Variants in CAST observed in about 807,000 individuals in gnomAD.
CAST encodes MIR583 host.
In CAST, 76 loss-of-function variants were observed where a neutral mutation model predicts 119.6. The observed-to-expected ratio is 0.64, with a 90% confidence interval of 0.53 to 0.77. CAST has a LOEUF of 0.77. Ranked by LOEUF, CAST falls within the 30% of genes least tolerant of loss-of-function variation. The pLI is 0.00. For synonymous variants in CAST, 319 were observed against 331.6 expected (o/e 0.96, Z 0.41); for missense variants, 953 against 946.5 (o/e 1.01, Z -0.09).
chr5:96,349,454 A>T, the CAST span, among the ~76,000 whole-genome samples: 1 of 152,152 alleles, frequency 6.6e-6, no homozygotes, highest in South Asian at 2.1e-4. Flanking sequence ...GTAACTGTTC[A>T]TCAAGGATCA....
chr5:96,447,173 C>G, the CAST span, among the ~76,000 whole-genome samples: 1 of 152,174 alleles, frequency 6.6e-6, no homozygotes, highest in African/African-American at 2.4e-5. Context: ...GCAAAATGAG[C>G]CCAGGCGTAA....
the CAST span, among the ~76,000 whole-genome samples, chr5:96,217,056 A>G: frequency 6.6e-6 from 1 of 151,944 alleles, no homozygotes; most frequent in Admixed American, 6.6e-5. Flanking sequence ...TTAGTTTTTT[A>G]GAGACAAGGT....
chr5:96,398,900 C>T, the CAST span: 1 of 1,613,558 alleles, frequency 6.2e-7, no homozygotes, highest in Non-Finnish European at 8.5e-7. Context: ...GTAAGTGTGA[C>T]ATGAAGGTCT....
chr5:96,375,489 G>C, the CAST span, among the ~76,000 whole-genome samples: 1 of 151,122 alleles, frequency 6.6e-6, no homozygotes, highest in South Asian at 2.1e-4. Context: ...ACACAATGTA[G>C]CTTCATTAAA....
At chr5:96,086,720 T>C in the CAST span, among the ~76,000 whole-genome samples, 8 of 152,222 alleles carry the variant, frequency 5.3e-5, no homozygotes, top group African/African-American at 1.9e-4. Flanking sequence ...TCTATCTGTC[T>C]GTGTAAACCT....
intron 1 of CAST, among the ~76,000 whole-genome samples, chr5:96,597,419 A>C (rs1747072383): frequency 6.6e-6 from 1 of 152,238 alleles, no homozygotes; most frequent in Non-Finnish European, 1.5e-5. Context: ...TGCTGTCTGG[A>C]CGTAATTATA....
At chr5:96,695,648 C>T in intron 2 of CAST, 188 bp from the exon 3 acceptor site, 1 of 456,298 alleles carries the variant, frequency 2.2e-6, no homozygotes, top group Non-Finnish European at 4.1e-6. Flanking sequence ...ACTTACTCTT[C>T]ATTTCAATAT....
chr5:96,208,185 A>T, the CAST span, among the ~76,000 whole-genome samples: 1 of 140,214 alleles, frequency 7.1e-6, no homozygotes, highest in Middle Eastern at 3.9e-3. Flanking sequence ...GTCATTTCTG[A>T]TTGTGTTTAT....
the CAST span, among the ~76,000 whole-genome samples, chr5:96,355,656 G>A: frequency 2.7e-4 from 41 of 152,210 alleles, no homozygotes; most frequent in African/African-American, 9.1e-4. Flanking sequence ...CAGTGTAAAA[G>A]CATTGCTATT....
chr5:96,709,052 G>T (rs1755580256), intron 3 of CAST, among the ~76,000 whole-genome samples: 1 of 152,210 alleles, frequency 6.6e-6, no homozygotes, highest in South Asian at 2.1e-4. Context: ...TGGTCATTCA[G>T]ATTTCAACAG....
the CAST span, among the ~76,000 whole-genome samples, chr5:96,465,136 T>A: frequency 6.6e-6 from 1 of 152,024 alleles, no homozygotes; most frequent in Non-Finnish European, 1.5e-5. Context: ...TTTGGCAGAT[T>A]TTTTTTCTAA....
At chr5:96,645,285 T>C (rs1409552622) in intron 1 of CAST, among the ~76,000 whole-genome samples, 4 of 152,186 alleles carry the variant, frequency 2.6e-5, no homozygotes, top group African/African-American at 9.7e-5. Flanking sequence ...TAAAGCGGCC[T>C]TCTTGTCACA....
the CAST span, among the ~76,000 whole-genome samples, chr5:96,149,349 T>C: frequency 6.6e-6 from 1 of 152,222 alleles, no homozygotes; most frequent in Non-Finnish European, 1.5e-5. Context: ...GGGGAGGATA[T>C]TTGCTAGGCT....
At chr5:96,582,614 G>A (rs193168332) in intron 1 of CAST, among the ~76,000 whole-genome samples, 1 of 152,308 alleles carries the variant, frequency 6.6e-6, no homozygotes, top group East Asian at 1.9e-4. Flanking sequence ...ATTATGTACT[G>A]GGACGGAGTG....
the CAST span, among the ~76,000 whole-genome samples, chr5:96,410,542 G>C: frequency 5.5e-4 from 84 of 152,108 alleles, no homozygotes; most frequent in East Asian, 0.014. Context: ...GCTTCTCAAG[G>C]CTGGGTTTAA....
At chr5:95,981,427 A>G in the CAST span, among the ~76,000 whole-genome samples, 1 of 152,216 alleles carries the variant, frequency 6.6e-6, no homozygotes, top group Non-Finnish European at 1.5e-5. Context: ...TTCTTGTATA[A>G]CAATGCTTCT....
rs779064818 is a variant in CAST, at chr5:96,767,934, GA to G, written c.2204del (p.Asp735ValfsTer70). The G allele has an allele frequency of 6.2e-7, 1 of 1,613,482 alleles. No individual in the cohort carries two copies. The highest frequency in any genetic ancestry group is 1.1e-5 in the South Asian group (1 of 91,066). On this transcript the variant is annotated frameshift_variant, in exon 29 of 32. Transcript: ENST00000675179. LOFTEE classifies it high-confidence loss of function. Reference sequence around the variant, plus strand: ...ACCTGCAGATGACCAAGACCCCATTGATGCTCTCTCAGGAGATCTGGACAGC... The same window carrying G: ...ACCTGCAGATGACCAAGACCCCATTGTGCTCTCTCAGGAGATCTGGACAGC... ...KKPADDQDPI[D>X]ALSGDLDSCP... is the part of the protein sequence containing the mutation.
intron 16 of CAST, chr5:96,743,557 G>A (rs769900095): frequency 1.9e-6 from 3 of 1,567,346 alleles, no homozygotes; most frequent in African/African-American, 2.7e-5. Flanking sequence ...CCTGTTCTGA[G>A]TCATCAGGGA....
chr5:96,326,364 T>C, the CAST span, among the ~76,000 whole-genome samples: 1 of 152,212 alleles, frequency 6.6e-6, no homozygotes, highest in Non-Finnish European at 1.5e-5. Context: ...CATCCTAAAC[T>C]TTAGCGATGT....
Sources: allele counts gnomAD v4.1 joint callset (sites outside exome capture counted in the v4.1 genomes callset), GRCh38; gene constraint gnomAD v4.1.1; transcripts MANE v1.5; gene names NCBI Gene and HGNC (gene_info 2026-07-23, HGNC 2026-07-21).